The following LDB2 variants were observed in gnomAD, a reference collection of about 807,000 sequenced individuals.
LDB2 encodes the protein LIM domain binding 2, also known as LIM domain-binding protein 2.
Under a neutral mutation model 44.3 loss-of-function variants are expected in LDB2, and 12 were observed. The observed-to-expected ratio is 0.27, with a 90% CI of 0.17 to 0.44. The LOEUF is 0.44. Ranked by LOEUF, LDB2 falls within the 20% of genes least tolerant of loss-of-function variation. LDB2 has a pLI of 1.00. For synonymous variants in LDB2, 164 were observed against 174.8 expected, an observed-to-expected ratio of 0.94 and a Z score of 0.49; for missense variants, 344 against 473.5, an observed-to-expected ratio of 0.73 and a Z score of 2.54.
chr4:16,880,520 G>C (rs1324996598), intron 1 of LDB2, among the ~76,000 whole-genome samples: 1 of 152,170 alleles, frequency 6.6e-6, no homozygotes, highest in Non-Finnish European at 1.5e-5. Context: ...AACAGCGCTT[G>C]TCTGCATGGT....
chr4:16,719,768 C>T (rs536148), intron 2 of LDB2, among the ~76,000 whole-genome samples: 37,018 of 151,908 alleles, frequency 0.24, 5,271 homozygotes, highest in Non-Finnish European at 0.33. Context: ...TGTTTTTTAT[C>T]CCATAATTAT....
intron 1 of LDB2, among the ~76,000 whole-genome samples, chr4:16,852,613 G>T (rs1256523724): frequency 1.3e-5 from 2 of 152,100 alleles, no homozygotes; most frequent in Middle Eastern, 6.3e-3. Context: ...AAATTAACTT[G>T]CTTCAGCTTT....
At chr4:16,764,539 A>T (rs2109274288) in intron 1 of LDB2, among the ~76,000 whole-genome samples, 1 of 149,844 alleles carries the variant, frequency 6.7e-6, no homozygotes, top group East Asian at 1.9e-4. Context: ...AAAAAAAAAA[A>T]ATCATTCCCT....
rs1187310438 is a variant in LDB2, at chr4:16,588,817, T to G, written c.424A>C (p.Arg142=). ...PMFTKVCTEG[R]LILEFTFDDL... ...TCAAAGGTGAACTCCAAGATCAGTC[T>G]GCCTTCTGTACATACCTGGAAGTGA... Residue 142 remains arginine (R), a synonymous_variant, in exon 4 of 8, where the codon AGA becomes CGA. Coordinates refer to ENST00000304523, the MANE Select transcript of LDB2 (RefSeq NM_001290.5). The G allele has an allele frequency of 2.5e-6, 4 of 1,613,946 alleles. No homozygotes were observed. In the African/African-American group the frequency reaches 5.3e-5, roughly 22 times the overall value.
At chr4:16,811,518 G>A (rs948185757) in intron 1 of LDB2, among the ~76,000 whole-genome samples, 5 of 152,010 alleles carry the variant, frequency 3.3e-5, no homozygotes, top group South Asian at 2.1e-4. Context: ...AACCTTTTAG[G>A]GAAAGGGCAT....
intron 2 of LDB2, among the ~76,000 whole-genome samples, chr4:16,744,072 G>T (rs971563549): frequency 2.6e-5 from 4 of 152,248 alleles, no homozygotes; most frequent in East Asian, 1.9e-4. Flanking sequence ...TGTAAACTAG[G>T]TTTCTTCTAG....
At chr4:16,700,696 T>C (rs1753240743) in intron 2 of LDB2, among the ~76,000 whole-genome samples, 1 of 152,188 alleles carries the variant, frequency 6.6e-6, no homozygotes, top group Admixed American at 6.5e-5. Context: ...CTTGTAAATA[T>C]ACAAAGTGGG....
At chr4:16,594,708 C>T (rs1720283113) in intron 3 of LDB2, among the ~76,000 whole-genome samples, 2 of 152,186 alleles carry the variant, frequency 1.3e-5, no homozygotes, top group Admixed American at 1.3e-4. Flanking sequence ...GTAATAAACA[C>T]ATCTTCAGTT....
At chr4:16,721,015 G>A (rs1204138133) in intron 2 of LDB2, among the ~76,000 whole-genome samples, 6 of 152,120 alleles carry the variant, frequency 3.9e-5, no homozygotes, top group Admixed American at 3.9e-4. Flanking sequence ...AAAAAATTCA[G>A]CATTGGATGT....
chr4:16,736,881 A>G (rs1241554714), intron 2 of LDB2, among the ~76,000 whole-genome samples: 1 of 152,220 alleles, frequency 6.6e-6, no homozygotes, highest in African/African-American at 2.4e-5. Context: ...CAGAAACACA[A>G]AAATTGTTAA....
At chr4:16,825,773 T>C (rs1230516190) in intron 1 of LDB2, among the ~76,000 whole-genome samples, 1 of 152,136 alleles carries the variant, frequency 6.6e-6, no homozygotes, top group African/African-American at 2.4e-5. Context: ...CATGAGGTTG[T>C]TACTGAACAT....
intron 5 of LDB2, among the ~76,000 whole-genome samples, chr4:16,559,406 G>A (rs1166397107): frequency 6.6e-6 from 1 of 151,980 alleles, no homozygotes; most frequent in Non-Finnish European, 1.5e-5. Flanking sequence ...AAAAGGCAGG[G>A]GTTGCAATCC....
chr4:16,862,230 T>C (rs1424939212), intron 1 of LDB2, among the ~76,000 whole-genome samples: 3 of 151,964 alleles, frequency 2.0e-5, no homozygotes, highest in Non-Finnish European at 4.4e-5. Flanking sequence ...TCCTGAGTAA[T>C]ACATCATTTT....
chr4:16,690,471 A>T, intron 2 of LDB2, among the ~76,000 whole-genome samples: 1 of 43,954 alleles, frequency 2.3e-5, no homozygotes, highest in Non-Finnish European at 4.3e-5. Flanking sequence ...GGAAGGAAGG[A>T]AGGAAGGAAG....
At chr4:16,679,497 G>A (rs1188811539) in intron 2 of LDB2, among the ~76,000 whole-genome samples, 1 of 152,130 alleles carries the variant, frequency 6.6e-6, no homozygotes, top group Non-Finnish European at 1.5e-5. Flanking sequence ...TATGAAGTGG[G>A]TACTACTGTT....
intron 5 of LDB2, among the ~76,000 whole-genome samples, chr4:16,516,271 G>T (rs2152256486): frequency 6.6e-6 from 1 of 152,264 alleles, no homozygotes; most frequent in African/African-American, 2.4e-5. Context: ...ATATACTGTT[G>T]TGAGAATTTG....
At chr4:16,786,610 C>T (rs1774475064) in intron 1 of LDB2, among the ~76,000 whole-genome samples, 2 of 152,106 alleles carry the variant, frequency 1.3e-5, no homozygotes, top group Non-Finnish European at 2.9e-5. Flanking sequence ...AACAGAGAAA[C>T]TAGCAAGAGT....
chr4:16,549,465 A>G (rs569291168), intron 5 of LDB2, among the ~76,000 whole-genome samples: 32 of 152,214 alleles, frequency 2.1e-4, no homozygotes, highest in Non-Finnish European at 3.8e-4. Flanking sequence ...AATCTTTAAA[A>G]TACATCCAGG....
chr4:16,638,823 T>C lies in LDB2; in HGVS notation c.236-42948A>G, dbSNP rs369113331. On this transcript the variant is annotated intron_variant, in intron 2 of 7. Transcript: ENST00000304523. The stretch of plus-strand genomic sequence containing the variant: ...TGGCACAAACAAGGGCACAGATTGA[T>C]ACACTAAGACAAGAGCAATGTGTCC... 4.6e-5 allele frequency among the ~76,000 whole-genome samples: 7 copies of C among 150,660 alleles called. No homozygotes were observed. The East Asian group carries it at 1.4e-3, about 30-fold the overall frequency.
Sources: allele counts gnomAD v4.1 joint callset (sites outside exome capture counted in the v4.1 genomes callset), GRCh38; gene constraint gnomAD v4.1.1; transcripts MANE v1.5; gene names NCBI Gene and HGNC (gene_info 2026-07-23, HGNC 2026-07-21).